SATL1: variants seen among roughly 807,000 people sequenced by gnomAD.
SATL1 encodes spermidine/spermine N1-acetyl transferase like 1, also known as spermidine/spermine N(1)-acetyltransferase-like protein 1.
In SATL1, 47 loss-of-function variants were observed where a neutral mutation model predicts 51.8. The observed-to-expected ratio is 0.91, with a 90% CI of 0.72 to 1.16. The LOEUF (loss-of-function observed/expected upper bound fraction) is 1.16, where lower values mean the gene tolerates loss of function less well. Among genes scored for constraint, SATL1 ranks in the 50% most tolerant of loss-of-function variants. SATL1 has a pLI of 0.00. For missense variants in SATL1, 520 were observed against 526.4 expected (o/e 0.99, Z 0.12); for synonymous variants, 176 against 182.4 (o/e 0.97, Z 0.28).
At chrX:85,146,583 C>T (rs906518148) in intron 2 of SATL1, among the ~76,000 whole-genome samples, 1 of 112,247 alleles carries the variant, frequency 8.9e-6, no homozygotes, top group African/African-American at 3.2e-5. Context: ...CAAGTATCCA[C>T]TGGGAGTCCT....
At chrX:85,238,815 T>G (rs1928529536) in intron 1 of SATL1, among the ~76,000 whole-genome samples, 2 of 111,274 alleles carry the variant, frequency 1.8e-5, no homozygotes, top group Admixed American at 1.9e-4. Context: ...TGTATTAAAC[T>G]ATCTCCTGTA....
Position 85,160,822 on chromosome X carries a change from G to A in SATL1, c.-312-51542C>T, listed in dbSNP as rs764786712. On this transcript the variant is annotated intron_variant, in intron 2 of 7. Coordinates refer to ENST00000644105, the MANE Select transcript of SATL1 (RefSeq NM_001367857.2). ...AGGCTAACATTGAAATTCAGGAAAT[G>A]CAGAGAACTCCAGTAAGTTACTTCA... Among the ~76,000 whole-genome samples, 6 of 111,146 alleles carry A rather than the reference G, an allele frequency of 5.4e-5. No individual in the cohort carries two copies. The South Asian group carries it at 1.6e-3, about 29-fold the overall frequency.
At chrX:85,097,107 A>T (rs1924750220) in intron 4 of SATL1, among the ~76,000 whole-genome samples, 1 of 111,283 alleles carries the variant, frequency 9.0e-6, no homozygotes, top group African/African-American at 3.3e-5. Context: ...TTACACGTGG[A>T]TTTTTTTCAA....
chrX:85,202,952 T>G (rs1211020914), intron 2 of SATL1, among the ~76,000 whole-genome samples: 4 of 111,837 alleles, frequency 3.6e-5, no homozygotes, highest in Non-Finnish European at 7.5e-5. Flanking sequence ...GTTACTGATT[T>G]GGTACTGGCT....
intron 2 of SATL1, among the ~76,000 whole-genome samples, chrX:85,136,242 A>G (rs1450801757): frequency 9.0e-6 from 1 of 110,694 alleles, no homozygotes; most frequent in Non-Finnish European, 1.9e-5. Context: ...GTGTCTTTGA[A>G]ATTTCCAAGC....
chrX:85,123,889 A>G (rs1461288409), intron 2 of SATL1, among the ~76,000 whole-genome samples: 2 of 112,011 alleles, frequency 1.8e-5, no homozygotes, highest in African/African-American at 6.5e-5. Flanking sequence ...GCATGGACAC[A>G]ACACAGCAAA....
intron 2 of SATL1, among the ~76,000 whole-genome samples, chrX:85,216,409 C>T (rs1191464109): frequency 9.0e-6 from 1 of 111,071 alleles, no homozygotes; most frequent in African/African-American, 3.3e-5. Flanking sequence ...TCTTTCAATG[C>T]TGTGATCAAG....
At position 85,225,961 on chromosome X, in the gene SATL1, C is replaced by A. The variant is rs187310782; in HGVS notation, c.-434-1635G>T. On this transcript the variant is annotated intron_variant, in intron 1 of 7. Coordinates refer to ENST00000644105, the MANE Select transcript of SATL1 (RefSeq NM_001367857.2). ...TGCAGGACCCTCATCTCTCTCTCCC[C>A]CAACCCCCACACTCATAGTCTCACA... Among the ~76,000 whole-genome samples, 7 of 110,268 alleles carry A rather than the reference C, an allele frequency of 6.3e-5. No homozygotes were observed. The Admixed American group carries it at 6.8e-4, about 11-fold the overall frequency.
chrX:85,204,332 T>TTA (rs759504427), intron 2 of SATL1, among the ~76,000 whole-genome samples: 1 of 112,085 alleles, frequency 8.9e-6, no homozygotes, highest in Non-Finnish European at 1.9e-5. Context: ...GGTGTTATAT[T>TTA]TATCACTGCT....
intron 7 of SATL1, 73 bp from the exon 8 acceptor site, chrX:85,092,634 G>T: frequency 1.0e-6 from 1 of 962,680 alleles, no homozygotes; most frequent in Non-Finnish European, 1.4e-6. Flanking sequence ...ATATTTTATT[G>T]AAGGTCTACT....
chrX:85,180,507 A>G (rs1437031292), intron 2 of SATL1, among the ~76,000 whole-genome samples: 1 of 111,728 alleles, frequency 9.0e-6, no homozygotes, highest in African/African-American at 3.2e-5. Context: ...GTGTATCTAA[A>G]CATATTGTTT....
At chrX:85,146,513 T>C (rs1417450685) in intron 2 of SATL1, among the ~76,000 whole-genome samples, 1 of 111,877 alleles carries the variant, frequency 8.9e-6, no homozygotes, top group Non-Finnish European at 1.9e-5. Flanking sequence ...AACTTTATCA[T>C]AGGTATGTAT....
At chrX:85,213,115 A>G (rs1026561359) in intron 2 of SATL1, among the ~76,000 whole-genome samples, 8 of 111,866 alleles carry the variant, frequency 7.2e-5, no homozygotes, top group African/African-American at 1.3e-4. Flanking sequence ...TTCATAATGT[A>G]TATTTAAATT....
chrX:85,095,974 G>C (rs1924709553), intron 4 of SATL1, among the ~76,000 whole-genome samples: 1 of 109,771 alleles, frequency 9.1e-6, no homozygotes, highest in Non-Finnish European at 1.9e-5. Flanking sequence ...AGGAGAATCT[G>C]ATTTCCAGAG....
Position 85,107,501 on chromosome X carries a change from C to T in SATL1, c.1468G>A (p.Gly490Ser). The T allele has an allele frequency of 2.5e-6, 3 of 1,212,222 alleles. No individual in the cohort carries two copies. Among genetic ancestry groups the T allele is most frequent in the Non-Finnish European group, 3.3e-6 (3 of 895,647 alleles). The change falls in exon 3 of 8, where the codon GGC (glycine) becomes AGC (serine). Residue 490 changes from glycine to serine, a missense_variant. Coordinates refer to ENST00000644105, the MANE Select transcript of SATL1 (RefSeq NM_001367857.2). The stretch of plus-strand genomic sequence containing the variant: ...TGGTTCAGGTCTTGTTGGCTCAGGC[C>T]TGGCTGACTCGGCCCCGGTTCCCAT... ...GIWEPGPSQP[G>S]LSQQDLNQLV... is the part of the protein sequence containing the mutation.
intron 2 of SATL1, among the ~76,000 whole-genome samples, chrX:85,122,845 GT>G (rs1269817055): frequency 9.0e-6 from 1 of 110,964 alleles, no homozygotes; most frequent in African/African-American, 3.3e-5. Flanking sequence ...AGTGTCTATT[GT>G]TTTCTTGTTT....
intron 2 of SATL1, among the ~76,000 whole-genome samples, chrX:85,173,953 T>G (rs1341773555): frequency 7.0e-5 from 6 of 85,960 alleles, no homozygotes; most frequent in Non-Finnish European, 2.2e-5. Context: ...CCCTGGTGTG[T>G]GATGTTCCCC....
intron 7 of SATL1, chrX:85,092,785 C>G: frequency 2.8e-6 from 1 of 361,560 alleles, no homozygotes; most frequent in Middle Eastern, 7.6e-4. Flanking sequence ...ATTTGCAAAG[C>G]CTTTATCATA....
intron 2 of SATL1, among the ~76,000 whole-genome samples, chrX:85,212,358 T>A (rs1927945880): frequency 8.9e-6 from 1 of 111,989 alleles, no homozygotes; most frequent in Admixed American, 9.5e-5. Context: ...TGTAAGATTT[T>A]AAAAATTGTA....
Sources: gnomAD v4.1 joint callset for allele counts (sites outside exome capture counted in the v4.1 genomes callset) on GRCh38, gnomAD v4.1.1 for gene constraint, MANE v1.5 for transcripts, NCBI Gene and HGNC (gene_info 2026-07-23, HGNC 2026-07-21) for gene names.